PI4KA: variants seen among roughly 807,000 people sequenced by gnomAD.
PI4KA encodes phosphatidylinositol 4-kinase alpha, also known as PI4-kinase alpha.
A neutral mutation model predicts 271.4 loss-of-function variants in PI4KA; 122 were observed. The observed-to-expected ratio is 0.45, with a 90% CI of 0.39 to 0.52. The LOEUF (loss-of-function observed/expected upper bound fraction) is 0.52, where lower values mean the gene tolerates loss of function less well. Among genes scored for constraint, PI4KA ranks in the 20% least tolerant of loss-of-function variants. The pLI, the probability that PI4KA is intolerant of heterozygous loss-of-function variation, is 0.00. For missense variants in PI4KA, 1,969 were observed against 2,769.1 expected (o/e 0.71, Z 6.48); for synonymous variants, 1,041 against 1,078.8 (o/e 0.96, Z 0.69).
chr22:20,745,966 G>A (rs527948147), intron 29 of PI4KA, among the ~76,000 whole-genome samples: 18 of 145,036 alleles, frequency 1.2e-4, no homozygotes, highest in African/African-American at 4.6e-4. Context: ...AGCCTCCCGA[G>A]TAGCTGGGAT....
At chr22:20,809,370 A>G (rs1357469828) in intron 9 of PI4KA, among the ~76,000 whole-genome samples, 1 of 152,162 alleles carries the variant, frequency 6.6e-6, no homozygotes, top group Non-Finnish European at 1.5e-5. Flanking sequence ...GGTAGTGGTT[A>G]TTACACTGAT....
intron 1 of PI4KA, among the ~76,000 whole-genome samples, chr22:20,854,265 C>T (rs758446435): frequency 3.9e-5 from 6 of 151,980 alleles, no homozygotes; most frequent in South Asian, 2.1e-4. Context: ...GGATTACAGG[C>T]GTCCGCCACC....
rs192650194 is a variant in PI4KA at position 20,851,099 on chromosome 22, C to G, written c.156+7471G>C. Reference sequence around the variant, plus strand: ...TCTAGGCCAGGCACAGTGGCTCATGCCTATAATCCCAGCACTTTGCGAGGC... The same window carrying G: ...TCTAGGCCAGGCACAGTGGCTCATGGCTATAATCCCAGCACTTTGCGAGGC... On this transcript the variant is annotated intron_variant, in intron 1 of 54. Transcript: ENST00000255882. Among the ~76,000 whole-genome samples the G allele has an allele frequency of 2.1e-3, 326 of 152,154 alleles. 1 individual carries two copies. The highest frequency in any genetic ancestry group is 7.8e-3 in the African/African-American group (324 of 41,504).
chr22:20,710,602 C>A (rs1215374660), intron 52 of PI4KA, 97 bp downstream of exon 52: 12 of 1,137,154 alleles, frequency 1.1e-5, no homozygotes, highest in Middle Eastern at 2.5e-4. Flanking sequence ...TAGCACCTAC[C>A]TCACTCTCTG....
intron 8 of PI4KA, among the ~76,000 whole-genome samples, chr22:20,811,715 G>A (rs911582840): frequency 1.2e-4 from 18 of 150,994 alleles, no homozygotes; most frequent in African/African-American, 3.4e-4. Context: ...ATGAAAAACC[G>A]CCTAAAAGAA....
In PI4KA at chr22:20,718,742, G is replaced by A. The variant is rs142690596; in HGVS notation, c.5197C>T (p.Arg1733Trp). Residue 1733 changes from arginine to tryptophan, a missense_variant, in exon 44 of 55, where the codon CGG (arginine) becomes TGG (tryptophan). This residue lies in a region of PI4KA where 388 missense variants were observed against 521.5 expected (regional missense o/e 0.74). Transcript: ENST00000255882. ...LSGPAKDFYQ[R>W]EFDFFNKITN... Reference sequence around the variant, plus strand: ...ATCTTGTTAAAGAAATCAAACTCCCGCTGGTAAAAGTCCTTCGCTGGGCCG... The same window carrying A: ...ATCTTGTTAAAGAAATCAAACTCCCACTGGTAAAAGTCCTTCGCTGGGCCG... 8.1e-6 allele frequency: 13 copies of A among 1,613,808 alleles called. No homozygotes were observed. The highest frequency in any genetic ancestry group is 1.1e-5 in the South Asian group (1 of 91,080).
intron 22 of PI4KA, among the ~76,000 whole-genome samples, chr22:20,763,022 G>GA (rs957278946): frequency 2.9e-5 from 3 of 102,554 alleles, no homozygotes; most frequent in African/African-American, 4.6e-5. Context: ...TTTTTTGGGG[G>GA]GGGGGGGGGT....
intron 36 of PI4KA, among the ~76,000 whole-genome samples, chr22:20,730,850 G>A (rs998468851): frequency 6.6e-6 from 1 of 151,936 alleles, no homozygotes; most frequent in Non-Finnish European, 1.5e-5. Context: ...GATTACAGGC[G>A]TGAGTCACTA....
chr22:20,749,532 G>T (rs980672005), intron 28 of PI4KA, among the ~76,000 whole-genome samples: 1 of 152,262 alleles, frequency 6.6e-6, no homozygotes. Flanking sequence ...GCCTTGGTCA[G>T]GCCCCTGCCT....
At chr22:20,799,643 C>T in intron 15 of PI4KA, 28 bp downstream of exon 15, 1 of 1,485,164 alleles carries the variant, frequency 6.7e-7, no homozygotes, top group Non-Finnish European at 9.2e-7. Flanking sequence ...CAATGGGCTG[C>T]CTCTGAGAGA....
At chr22:20,742,552 A>C in intron 31 of PI4KA, 56 bp downstream of exon 31, 2 of 1,597,304 alleles carry the variant, frequency 1.3e-6, no homozygotes, top group African/African-American at 1.3e-5. Flanking sequence ...TGGGTCATCA[A>C]GGCCAGCATT....
intron 45 of PI4KA, among the ~76,000 whole-genome samples, chr22:20,716,558 G>T (rs1316981522): frequency 6.6e-6 from 1 of 152,176 alleles, no homozygotes; most frequent in African/African-American, 2.4e-5. Context: ...TTCCTCACCT[G>T]CCCTTCTTCC....
intron 42 of PI4KA, among the ~76,000 whole-genome samples, chr22:20,722,173 C>T (rs1256813740): frequency 6.6e-6 from 1 of 151,878 alleles, no homozygotes; most frequent in African/African-American, 2.4e-5. Context: ...TACCCAGTCT[C>T]GGGAAGTTTT....
At chr22:20,724,973 A>AT (rs1357154219) in intron 42 of PI4KA, among the ~76,000 whole-genome samples, 7 of 152,208 alleles carry the variant, frequency 4.6e-5, no homozygotes, top group Non-Finnish European at 1.0e-4. Context: ...GGCTCCACAC[A>AT]TATCACCACT....
intron 1 of PI4KA, among the ~76,000 whole-genome samples, chr22:20,851,557 C>G (rs922077199): frequency 2.0e-5 from 3 of 152,082 alleles, no homozygotes; most frequent in Admixed American, 6.6e-5. Context: ...AGGCTGGTCT[C>G]GAACTCCTGA....
At chr22:20,760,121 C>A (rs1931812490) in intron 23 of PI4KA, among the ~76,000 whole-genome samples, 1 of 152,220 alleles carries the variant, frequency 6.6e-6, no homozygotes, top group African/African-American at 2.4e-5. Flanking sequence ...GGACTACACA[C>A]TGTTAGTTGT....
chr22:20,754,164 T>G (rs1931018062), intron 23 of PI4KA, among the ~76,000 whole-genome samples: 1 of 152,160 alleles, frequency 6.6e-6, no homozygotes, highest in African/African-American at 2.4e-5. Context: ...ATAGCTCAGC[T>G]GCAACCTTGA....
chr22:20,791,508 C>G (rs930028128), intron 19 of PI4KA, among the ~76,000 whole-genome samples: 2 of 152,158 alleles, frequency 1.3e-5, no homozygotes, highest in Admixed American at 6.5e-5. Flanking sequence ...GTAATCCCAG[C>G]ACTAAGGGAG....
At chr22:20,710,915 A>C in intron 51 of PI4KA, 57 bp from the exon 52 acceptor site, 1 of 1,493,142 alleles carries the variant, frequency 6.7e-7, no homozygotes, top group Non-Finnish European at 9.2e-7. Flanking sequence ...GGGCAAGGAC[A>C]AGTGGTCTGT....
Sources: gnomAD v4.1 joint callset for allele counts (sites outside exome capture counted in the v4.1 genomes callset) on GRCh38, gnomAD v4.1.1 for gene constraint, gnomAD v4.1.1 regional missense constraint, MANE v1.5 for transcripts, NCBI Gene and HGNC (gene_info 2026-07-23, HGNC 2026-07-21) for gene names.